GRAMD2B: variants seen among roughly 807,000 people sequenced by gnomAD.
The protein encoded by GRAMD2B is GRAM domain-containing protein 2B.
GRAMD2B carries 41 observed loss-of-function variants against 59.2 expected under a neutral mutation model. The observed-to-expected ratio is 0.69, with a 90% CI of 0.54 to 0.90. The LOEUF (loss-of-function observed/expected upper bound fraction) is 0.90. Among genes scored for constraint, GRAMD2B ranks in the 40% least tolerant of loss-of-function variants. The pLI is 0.00. For synonymous variants in GRAMD2B, 161 were observed against 182.7 expected (o/e 0.88, Z 0.96); for missense variants, 424 against 500.5 (o/e 0.85, Z 1.46).
upstream of GRAMD2B, among the ~76,000 whole-genome samples, chr5:126,366,735 G>C (rs540942562): frequency 2.9e-4 from 44 of 151,696 alleles, no homozygotes; most frequent in Middle Eastern, 3.4e-3. Flanking sequence ...CCAACCACAG[G>C]AATGTGGATA....
At chr5:126,478,159 AG>A (rs1001302171) in intron 6 of GRAMD2B, among the ~76,000 whole-genome samples, 2 of 149,994 alleles carry the variant, frequency 1.3e-5, no homozygotes, top group Admixed American at 6.6e-5. Flanking sequence ...AAAAAAAAAA[AG>A]GAGGTCAGGC....
At position 126,490,557 on chromosome 5, in the gene GRAMD2B, G is replaced by A. The variant is rs114145320; in HGVS notation, c.1257+1665G>A. ...AAAAGTGGATTTGGGGTCAAAATGCGCGTGTTGATGTTCTAAAAAGTTAGA... is the reference window on the plus strand; with the variant it reads ...AAAAGTGGATTTGGGGTCAAAATGCACGTGTTGATGTTCTAAAAAGTTAGA... On this transcript the variant is annotated intron_variant, in intron 13 of 13. Coordinates refer to ENST00000285689, the MANE Select transcript of GRAMD2B (RefSeq NM_023927.4). Among the ~76,000 whole-genome samples the A allele has an allele frequency of 2.4e-3, 367 of 152,266 alleles. 1 individual carries two copies. Among genetic ancestry groups the A allele is most frequent in the Middle Eastern group, 0.01 (3 of 294 alleles).
At chr5:126,385,811 T>C (rs1406454915) in intron 1 of GRAMD2B, among the ~76,000 whole-genome samples, 1 of 152,062 alleles carries the variant, frequency 6.6e-6, no homozygotes, top group Non-Finnish European at 1.5e-5. Context: ...TGCAACCCAG[T>C]CCATGGAGTC....
Position 126,483,560 on chromosome 5 carries a change from C to G in GRAMD2B, c.833C>G (p.Ser278Cys), listed in dbSNP as rs753175419. The change falls in exon 9 of 14, where the codon TCT becomes TGT. Residue 278 changes from serine (S) to cysteine (C), a missense_variant. Transcript: ENST00000285689. The part of the protein sequence containing the change: ...YSSSGSQTPE[S>C]ENSRDFHATE... Reference sequence around the variant, plus strand: ...AGTTCTGGTTCTCAAACTCCTGAATCTGAGAACTCTCGAGGTTTGGGAAAT... The same window carrying G: ...AGTTCTGGTTCTCAAACTCCTGAATGTGAGAACTCTCGAGGTTTGGGAAAT... The G allele has an allele frequency of 6.2e-7, 1 of 1,601,510 alleles. No individual in the cohort carries two copies. Among genetic ancestry groups the G allele is most frequent in the Non-Finnish European group, 8.5e-7 (1 of 1,169,768 alleles).
rs1758418681 is a variant in GRAMD2B at position 126,408,098 on chromosome 5, C to A, written c.125+36531C>A. Among the ~76,000 whole-genome samples, 3 of 151,578 alleles carry A rather than the reference C, an allele frequency of 2.0e-5. No individual in the cohort carries two copies. In the South Asian group the frequency reaches 6.3e-4, roughly 32 times the overall value. Reference sequence around the variant, plus strand: ...AGAGGTTTGTTTTTCAACCCTTGCTCCCCTCCTTCCCTGCTCTATTAGTCC... The same window carrying A: ...AGAGGTTTGTTTTTCAACCCTTGCTACCCTCCTTCCCTGCTCTATTAGTCC... On this transcript the variant is annotated intron_variant, in intron 1 of 8. Coordinates refer to the GRAMD2B transcript ENST00000506445.
chr5:126,424,168 C>T (rs1000182234), intron 1 of GRAMD2B, among the ~76,000 whole-genome samples: 2 of 152,200 alleles, frequency 1.3e-5, no homozygotes, highest in Non-Finnish European at 2.9e-5. Context: ...ATGAATATTA[C>T]TGTACTTCAA....
intron 1 of GRAMD2B, among the ~76,000 whole-genome samples, chr5:126,412,288 T>C (rs1758877428): frequency 6.6e-6 from 1 of 152,142 alleles, no homozygotes; most frequent in Non-Finnish European, 1.5e-5. Flanking sequence ...GTTCCTTTGA[T>C]GCCTAGTTTC....
At chr5:126,442,812 T>C (rs934634587) in intron 1 of GRAMD2B, among the ~76,000 whole-genome samples, 1 of 152,078 alleles carries the variant, frequency 6.6e-6, no homozygotes, top group Non-Finnish European at 1.5e-5. Context: ...ACAAAGCTCA[T>C]TGTAGAAACC....
intron 1 of GRAMD2B, chr5:126,464,947 G>C (rs1200899259): frequency 4.0e-6 from 2 of 497,412 alleles, no homozygotes; most frequent in Non-Finnish European, 5.2e-6. Flanking sequence ...GTAAAGATTA[G>C]AGACTGTAAA....
intron 3 of GRAMD2B, 27 bp downstream of exon 3, chr5:126,469,815 T>A (rs778794572): frequency 2.2e-5 from 34 of 1,526,782 alleles, no homozygotes; most frequent in Non-Finnish European, 2.9e-5. Flanking sequence ...ATTTGTATTG[T>A]CTTAGAGGGT....
chr5:126,476,322 A>G (rs1215723325), intron 5 of GRAMD2B, among the ~76,000 whole-genome samples: 1 of 152,220 alleles, frequency 6.6e-6, no homozygotes, highest in Admixed American at 6.5e-5. Context: ...ACTTACATAA[A>G]GCCCATCTCT....
intron 1 of GRAMD2B, among the ~76,000 whole-genome samples, chr5:126,375,936 G>A (rs768244924): frequency 7.9e-5 from 12 of 152,150 alleles, no homozygotes; most frequent in Admixed American, 6.5e-4. Context: ...AATGTGCACA[G>A]TACCTCAAAA....
At chr5:126,451,219 C>A (rs1561542420) in intron 1 of GRAMD2B, among the ~76,000 whole-genome samples, 1 of 152,234 alleles carries the variant, frequency 6.6e-6, no homozygotes, top group Non-Finnish European at 1.5e-5. Flanking sequence ...TCTTGAACTT[C>A]CAGCCTCCAA....
Position 126,472,305 on chromosome 5 carries a change from G to A in GRAMD2B, c.382+1G>A. On this transcript the variant is annotated splice_donor_variant, in intron 4 of 13. Coordinates refer to ENST00000285689, the MANE Select transcript of GRAMD2B (RefSeq NM_023927.4). LOFTEE classifies it high-confidence loss of function. Reference sequence around the variant, plus strand: ...CCAACGGAGGAACCACTGAAGCAAAGTAAGTTCTGACCTGTTTGACTTTTT... The same window carrying A: ...CCAACGGAGGAACCACTGAAGCAAAATAAGTTCTGACCTGTTTGACTTTTT... 1 of 1,613,186 alleles carries A rather than the reference G, an allele frequency of 6.2e-7. No individual in the cohort carries two copies. Among genetic ancestry groups the A allele is most frequent in the South Asian group, 1.1e-5 (1 of 91,048 alleles).
At chr5:126,440,669 T>C (rs1763140474) in intron 1 of GRAMD2B, among the ~76,000 whole-genome samples, 2 of 152,022 alleles carry the variant, frequency 1.3e-5, no homozygotes, top group South Asian at 4.1e-4. Flanking sequence ...CTATATAATA[T>C]GGAAGTAGGA....
upstream of GRAMD2B, among the ~76,000 whole-genome samples, chr5:126,366,482 A>G (rs1224845935): frequency 1.3e-5 from 2 of 152,206 alleles, no homozygotes; most frequent in African/African-American, 2.4e-5. Flanking sequence ...CTTCATTGTC[A>G]TTACCATCAG....
upstream of GRAMD2B, among the ~76,000 whole-genome samples, chr5:126,368,360 C>A (rs539829990): frequency 3.1e-3 from 475 of 152,278 alleles, 5 homozygotes; most frequent in South Asian, 0.018. Context: ...CAGTCAACTG[C>A]CATTAATCTT....
intron 12 of GRAMD2B, among the ~76,000 whole-genome samples, chr5:126,488,079 T>C (rs1049478017): frequency 2.6e-5 from 4 of 152,182 alleles, no homozygotes; most frequent in Admixed American, 6.5e-5. Context: ...CTTTACTCCA[T>C]AGGAATTACC....
intron 1 of GRAMD2B, among the ~76,000 whole-genome samples, chr5:126,406,010 AT>A (rs1227666273): frequency 2.6e-5 from 4 of 152,000 alleles, no homozygotes; most frequent in African/African-American, 9.7e-5. Context: ...CTAAAAACTC[AT>A]TTGTCATAAT....
Sources: allele counts gnomAD v4.1 joint callset (sites outside exome capture counted in the v4.1 genomes callset), GRCh38; gene constraint gnomAD v4.1.1; transcripts MANE v1.5; gene names NCBI Gene and HGNC (gene_info 2026-07-23, HGNC 2026-07-21).